Variants in ADAM7 observed in about 807,000 individuals in gnomAD.
ADAM7 encodes the protein disintegrin and metalloproteinase domain-containing protein 7.
A neutral mutation model predicts 102.9 loss-of-function variants in ADAM7; 97 were observed. The observed-to-expected ratio is 0.94, with a 90% CI of 0.80 to 1.12. The LOEUF (loss-of-function observed/expected upper bound fraction) is 1.12, where lower values mean the gene tolerates loss of function less well. ADAM7 is among the 50% of genes most tolerant of loss of function. The pLI, the probability that ADAM7 is intolerant of heterozygous loss-of-function variation, is 0.00. For missense variants in ADAM7, 991 were observed against 908.7 expected, an observed-to-expected ratio of 1.09 and a Z score of -1.16; for synonymous variants, 334 against 304.4, an observed-to-expected ratio of 1.10 and a Z score of -1.01.
At chr8:24,459,338 T>C in intron 3 of ADAM7, among the ~76,000 whole-genome samples, 1 of 152,112 alleles carries the variant, frequency 6.6e-6, no homozygotes, top group East Asian at 1.9e-4. Context: ...AAAAATGTAA[T>C]AATTTATTTA....
Position 24,509,549 on chromosome 8 carries a change from A to G in ADAM7, c.*1003A>G. The G allele has an allele frequency of 1.0e-6, 1 of 984,632 alleles. No individual in the cohort carries two copies. 61.0% of individuals were successfully genotyped at this position (984,632 alleles called of 1,614,324 possible). On this transcript the variant is annotated 3_prime_UTR_variant, in exon 22 of 22. Transcript: ENST00000175238. ...TGACTCGATGAAATAAATAAAGGCT[A>G]CAAAAGAAGGAAGAAAGGCTGTTGT... is the stretch of plus-strand genomic sequence containing the variant.
intron 16 of ADAM7, among the ~76,000 whole-genome samples, chr8:24,498,547 G>T (rs1487593747): frequency 7.6e-6 from 1 of 132,072 alleles, no homozygotes; most frequent in Admixed American, 8.3e-5. Context: ...AAAGGACTAA[G>T]AGTATATATA....
chr8:24,452,331 C>T (rs1323490469), intron 3 of ADAM7, among the ~76,000 whole-genome samples: 70 of 149,560 alleles, frequency 4.7e-4, no homozygotes, highest in Non-Finnish European at 9.7e-4. Flanking sequence ...AATCTGGGTG[C>T]TCCTGTATTG....
At chr8:24,479,361 T>TTTTTGTTTTG (rs556899516) in intron 8 of ADAM7, among the ~76,000 whole-genome samples, 1 of 152,086 alleles carries the variant, frequency 6.6e-6, no homozygotes, top group African/African-American at 2.4e-5. Flanking sequence ...TAGAAGGCTA[T>TTTTTGTTTTG]TTTTGTTTTG....
intron 9 of ADAM7, among the ~76,000 whole-genome samples, chr8:24,484,912 T>A (rs1257980217): frequency 6.6e-6 from 1 of 151,372 alleles, no homozygotes; most frequent in Admixed American, 6.6e-5. Context: ...TTCAGGTGAT[T>A]CTCCTACCTC....
At chr8:24,442,173 C>CA (rs1347470950) in intron 1 of ADAM7, among the ~76,000 whole-genome samples, 4 of 151,618 alleles carry the variant, frequency 2.6e-5, no homozygotes, top group African/African-American at 9.7e-5. Flanking sequence ...GACTCTGTCT[C>CA]AAAAAAATAA....
At chr8:24,453,951 G>A (rs1818902274) in intron 3 of ADAM7, among the ~76,000 whole-genome samples, 2 of 152,330 alleles carry the variant, frequency 1.3e-5, no homozygotes, top group Admixed American at 6.5e-5. Flanking sequence ...CGCAGCAGTG[G>A]CTGCAGAACA....
Position 24,492,129 on chromosome 8 carries a change from C to A in ADAM7, c.1552+31C>A, listed in dbSNP as rs770799807. ...AGATAATCACAGTGAAGTATTCACA[C>A]AGATGGTGGCCTCTATTTCTCTGTT... On this transcript the variant is annotated intron_variant, in intron 14 of 21. Transcript: ENST00000175238. 5.7e-6 allele frequency: 9 copies of A among 1,586,326 alleles called. 2 individuals carry two copies. The Admixed American group carries it at 1.4e-4, about 24-fold the overall frequency.
At chr8:24,461,788 C>T (rs1819251417) in intron 3 of ADAM7, among the ~76,000 whole-genome samples, 1 of 152,160 alleles carries the variant, frequency 6.6e-6, no homozygotes, top group South Asian at 2.1e-4. Context: ...TCAAGTAAAA[C>T]TTATCTAGGT....
chr8:24,509,424 T>C lies in ADAM7; in HGVS notation c.*878T>C. On this transcript the variant is annotated 3_prime_UTR_variant, in exon 22 of 22. Coordinates refer to ENST00000175238, the MANE Select transcript of ADAM7 (RefSeq NM_003817.4). ...CACAGATGCCTCTCAAGGTGTTCTT[T>C]TGTGTCCTCTATTTTCTTCTTGTGA... is the stretch of plus-strand genomic sequence containing the variant. 1.0e-6 allele frequency: 1 copy of C among 985,468 alleles called. No homozygotes were observed. Among genetic ancestry groups the C allele is most frequent in the Non-Finnish European group, 1.2e-6 (1 of 829,934 alleles). 61.0% of individuals were successfully genotyped at this position (985,468 alleles called of 1,614,324 possible). A position where few individuals can be genotyped will look rare whatever the true frequency, so the allele number is the denominator to read the frequency against.
At chr8:24,476,692 T>C (rs1164017426) in intron 8 of ADAM7, among the ~76,000 whole-genome samples, 188 bp downstream of exon 8, 1 of 152,168 alleles carries the variant, frequency 6.6e-6, no homozygotes, top group Non-Finnish European at 1.5e-5. Context: ...CAATTTTCGA[T>C]GTAAGTGACA....
chr8:24,477,006 T>C (rs901908491), intron 8 of ADAM7, among the ~76,000 whole-genome samples: 1 of 152,176 alleles, frequency 6.6e-6, no homozygotes, highest in Non-Finnish European at 1.5e-5. Context: ...CGACTCATTC[T>C]AAGACACCTC....
chr8:24,488,152 C>T (rs532815761), intron 11 of ADAM7, among the ~76,000 whole-genome samples: 99 of 152,254 alleles, frequency 6.5e-4, no homozygotes, highest in African/African-American at 2.3e-3. Flanking sequence ...CTGTACTCTT[C>T]TGCTGGAATA....
intron 7 of ADAM7, among the ~76,000 whole-genome samples, chr8:24,470,557 C>T (rs1206036909): frequency 2.0e-5 from 3 of 151,460 alleles, no homozygotes; most frequent in African/African-American, 7.3e-5. Context: ...CACCACATAA[C>T]AATGTTTTGG....
At chr8:24,488,546 T>C (rs939523346) in intron 11 of ADAM7, among the ~76,000 whole-genome samples, 15 of 152,054 alleles carry the variant, frequency 9.9e-5, no homozygotes, top group Non-Finnish European at 1.8e-4. Flanking sequence ...TTTTACAGAG[T>C]CCTAGTATCT....
intron 3 of ADAM7, among the ~76,000 whole-genome samples, chr8:24,455,823 T>C (rs548739359): frequency 4.1e-4 from 63 of 152,370 alleles, no homozygotes; most frequent in African/African-American, 1.5e-3. Context: ...TATGTATGCA[T>C]GCATGTATTC....
chr8:24,451,688 C>G (rs529465234), intron 3 of ADAM7, among the ~76,000 whole-genome samples: 1 of 151,258 alleles, frequency 6.6e-6, no homozygotes, highest in Non-Finnish European at 1.5e-5. Flanking sequence ...TTGCCTTCTG[C>G]TAGCTTTTGA....
chr8:24,468,884 AGCATAGAGAGAAAGGT>A, intron 7 of ADAM7, 64 bp downstream of exon 7: 1 of 1,434,230 alleles, frequency 7.0e-7, no homozygotes, highest in East Asian at 2.3e-5. Flanking sequence ...TTATCATTCT[AGCATAGAGAGAAAGGT>A]ATTCTAATCA....
chr8:24,451,775 T>C lies in ADAM7; in HGVS notation c.233+4513T>C, dbSNP rs560054992. Among the ~76,000 whole-genome samples, 32 of 151,100 alleles carry C rather than the reference T, an allele frequency of 2.1e-4. 1 individual carries two copies. The South Asian group carries it at 6.2e-3, about 29-fold the overall frequency. ...AATTTTGGATCTTTCCTGCTTTCTCTTGTGGGCATTTAGTGCTATAAATTT... is the reference window on the plus strand; with the variant it reads ...AATTTTGGATCTTTCCTGCTTTCTCCTGTGGGCATTTAGTGCTATAAATTT... On this transcript the variant is annotated intron_variant, in intron 3 of 21. Coordinates refer to ENST00000175238, the MANE Select transcript of ADAM7 (RefSeq NM_003817.4).
Sources: allele counts gnomAD v4.1 joint callset (sites outside exome capture counted in the v4.1 genomes callset), GRCh38; gene constraint gnomAD v4.1.1; transcripts MANE v1.5; gene names NCBI Gene and HGNC (gene_info 2026-07-23, HGNC 2026-07-21).